FRK: variants seen among roughly 807,000 people sequenced by gnomAD.
FRK encodes the protein fyn related Src family tyrosine kinase.
FRK carries 51 observed loss-of-function variants against 56.4 expected under a neutral mutation model. The ratio of observed to expected loss-of-function variants is 0.90; its 90% confidence interval spans 0.72 to 1.14. FRK has a LOEUF of 1.14. FRK is among the 50% of genes most tolerant of loss of function. The pLI is 0.00. For missense variants in FRK, 570 were observed against 601.4 expected, an observed-to-expected ratio of 0.95 and a Z score of 0.55; for synonymous variants, 245 against 217.9, an observed-to-expected ratio of 1.12 and a Z score of -1.10.
chr6:116,059,658 T>C (rs1334261345), intron 1 of FRK, among the ~76,000 whole-genome samples: 2 of 152,208 alleles, frequency 1.3e-5, no homozygotes, highest in Non-Finnish European at 2.9e-5. Context: ...ATTGCTAAAG[T>C]GAGGCATGAG....
At chr6:116,057,238 T>G (rs1330704033) in intron 1 of FRK, among the ~76,000 whole-genome samples, 1 of 152,218 alleles carries the variant, frequency 6.6e-6, no homozygotes, top group Admixed American at 6.5e-5. Context: ...GTCAACTTAC[T>G]GAGCTCATGA....
chr6:115,991,325 G>C (rs1582687312), intron 2 of FRK, among the ~76,000 whole-genome samples: 3 of 151,960 alleles, frequency 2.0e-5, no homozygotes, highest in Middle Eastern at 6.8e-3. Context: ...GGAGTGGTGA[G>C]AGTGGACATC....
At position 115,994,328 on chromosome 6, in the gene FRK, C is replaced by A. The variant is rs977149310; in HGVS notation, c.466+9549G>T. Reference sequence around the variant, plus strand: ...GGTATCCAGAATCTCACAACCTCCCCCCCCCCCGCCTTTTTTTTGTCATTA... The same window carrying A: ...GGTATCCAGAATCTCACAACCTCCCACCCCCCCGCCTTTTTTTTGTCATTA... On this transcript the variant is annotated intron_variant, in intron 2 of 7. Transcript: ENST00000606080. Among the ~76,000 whole-genome samples, 21 of 103,630 alleles carry A rather than the reference C, an allele frequency of 2.0e-4. 6 individuals are homozygous for A. In the East Asian group the frequency reaches 2.3e-3, roughly 11 times the overall value. 68.0% of individuals were successfully genotyped at this position (103,630 alleles called of 152,430 possible). A position where few individuals can be genotyped will look rare whatever the true frequency, so the allele number is the denominator to read the frequency against.
At chr6:115,944,002 A>C (rs1010620767) in intron 6 of FRK, among the ~76,000 whole-genome samples, 13 of 152,176 alleles carry the variant, frequency 8.5e-5, no homozygotes, top group African/African-American at 3.1e-4. Flanking sequence ...TCATTAATTC[A>C]ACTATAAACT....
At chr6:116,031,319 T>A (rs924879165) in intron 1 of FRK, among the ~76,000 whole-genome samples, 8 of 152,156 alleles carry the variant, frequency 5.3e-5, no homozygotes, top group African/African-American at 1.9e-4. Context: ...TATTTTACTT[T>A]TGTATAATAA....
At chr6:115,987,701 G>A (rs1374910226) in intron 2 of FRK, among the ~76,000 whole-genome samples, 1 of 151,916 alleles carries the variant, frequency 6.6e-6, no homozygotes, top group African/African-American at 2.4e-5. Flanking sequence ...GAACTGTATC[G>A]CTTGCCATTT....
chr6:115,932,439 G>A lies in FRK; in HGVS notation c.*9975C>T, dbSNP rs1023203952. On this transcript the variant is annotated 3_prime_UTR_variant, in exon 8 of 8. Transcript: ENST00000606080. ...TACATAATAATTCCAGAAAAAACAAGAATCAAACATTGTCAGATCAGCCCA... is the reference window on the plus strand; with the variant it reads ...TACATAATAATTCCAGAAAAAACAAAAATCAAACATTGTCAGATCAGCCCA... The A allele has an allele frequency of 3.3e-5, 5 of 152,232 alleles. No homozygotes were observed. The highest frequency in any genetic ancestry group is 5.9e-5 in the Non-Finnish European group (4 of 68,000). The allele number at this position is 152,232 out of a possible 1,614,324, so 9.4% of individuals were successfully genotyped here.
At chr6:116,026,545 AGG>A (rs1776096397) in intron 1 of FRK, among the ~76,000 whole-genome samples, 1 of 52,100 alleles carries the variant, frequency 1.9e-5, no homozygotes, top group Non-Finnish European at 4.8e-5. Context: ...GGAGGAAAGA[AGG>A]AAGGAAGGAA....
chr6:116,035,373 A>G (rs1156756332), intron 1 of FRK, among the ~76,000 whole-genome samples: 1 of 152,106 alleles, frequency 6.6e-6, no homozygotes, highest in Non-Finnish European at 1.5e-5. Flanking sequence ...ATCCAATTTC[A>G]GTTGACCTCA....
At chr6:116,038,064 A>G (rs1022705432) in intron 1 of FRK, among the ~76,000 whole-genome samples, 1 of 152,192 alleles carries the variant, frequency 6.6e-6, no homozygotes, top group African/African-American at 2.4e-5. Flanking sequence ...TAAACAAGGT[A>G]AGAGGCAGGG....
intron 4 of FRK, among the ~76,000 whole-genome samples, chr6:115,958,644 A>AAAGTAAG (rs1554225741): frequency 2.6e-4 from 1 of 3,818 alleles, no homozygotes; most frequent in African/African-American, 7.3e-4. Flanking sequence ...GGAAAGAAAG[A>AAAGTAAG]AAAGAAAGAA....
rs746247007 is a variant in FRK, at chr6:116,060,085, T to C, written c.227A>G (p.His76Arg). 7 of 1,614,052 alleles carry C rather than the reference T, an allele frequency of 4.3e-6. No homozygotes were observed. The African/African-American group carries it at 6.7e-5, about 15-fold the overall frequency. Reference protein sequence around the residue: ...GDKLQVLDTLHEGWWFARHLE... With the variant: ...GDKLQVLDTLREGWWFARHLE... ...GTGTCTGGCAAACCACCAGCCCTCA[T>C]GCAAAGTGTCCAGAACTTGAAGTTT... is the stretch of plus-strand genomic sequence containing the variant. The change falls in exon 1 of 8, where the codon CAT (histidine) becomes CGT (arginine). Residue 76 changes from histidine to arginine, a missense_variant. Physicochemically the swap from His to Arg is conservative, Grantham distance 29. Transcript: ENST00000606080.
At position 115,956,628 on chromosome 6, in the gene FRK, A is replaced by T; in HGVS notation, c.800-18T>A. On this transcript the variant is annotated intron_variant, in intron 4 of 7. Transcript: ENST00000606080. ...CATTGAACCTGAAACAAGAAGAGGGAGAAATCACTTTATGTTATTGAGGCA... is the reference window on the plus strand; with the variant it reads ...CATTGAACCTGAAACAAGAAGAGGGTGAAATCACTTTATGTTATTGAGGCA... 1 of 1,520,560 alleles carries T rather than the reference A, an allele frequency of 6.6e-7. No individual in the cohort carries two copies. Among genetic ancestry groups the T allele is most frequent in the Non-Finnish European group, 8.8e-7 (1 of 1,131,940 alleles). The allele number at this position is 1,520,560 out of a possible 1,614,324, so 94.2% of individuals were successfully genotyped here.
intron 1 of FRK, chr6:116,039,035 C>G (rs1582743906): frequency 5.3e-6 from 4 of 750,396 alleles, no homozygotes; most frequent in Non-Finnish European, 1.0e-5. Flanking sequence ...GGTCCTGGGG[C>G]ACTCAGAGAG....
intron 4 of FRK, among the ~76,000 whole-genome samples, chr6:115,956,836 AG>A (rs1773012518): frequency 6.6e-6 from 1 of 152,156 alleles, no homozygotes; most frequent in African/African-American, 2.4e-5. Context: ...TATGACCTGT[AG>A]GTGAAGAGAG....
chr6:116,079,483 G>A, the FRK span, among the ~76,000 whole-genome samples: 1 of 151,426 alleles, frequency 6.6e-6, no homozygotes, highest in Non-Finnish European at 1.5e-5. Flanking sequence ...CTTCTTTGAG[G>A]CTTACTTCTT....
At chr6:116,069,617 G>T in the FRK span, among the ~76,000 whole-genome samples, 1 of 152,068 alleles carries the variant, frequency 6.6e-6, no homozygotes, top group African/African-American at 2.4e-5. Flanking sequence ...TTCCTAGAAG[G>T]TCTTATCCAG....
chr6:115,989,601 T>C (rs931199007), intron 2 of FRK, among the ~76,000 whole-genome samples: 15 of 151,970 alleles, frequency 9.9e-5, no homozygotes, highest in Non-Finnish European at 1.5e-4. Flanking sequence ...GTTCCATCCA[T>C]GTTGCTGCAG....
the FRK span, among the ~76,000 whole-genome samples, chr6:116,075,944 T>G: frequency 6.8e-6 from 1 of 146,714 alleles, no homozygotes; most frequent in Non-Finnish European, 1.5e-5. Flanking sequence ...TGTAAAATTT[T>G]GGCACATATC....
Sources: gnomAD v4.1 joint callset for allele counts (sites outside exome capture counted in the v4.1 genomes callset) on GRCh38, gnomAD v4.1.1 for gene constraint, MANE v1.5 for transcripts, NCBI Gene and HGNC (gene_info 2026-07-23, HGNC 2026-07-21) for gene names.